The following ANKH variants were observed in gnomAD, a reference collection of about 807,000 sequenced individuals.
The protein encoded by ANKH is mineralization regulator ANKH.
Under a neutral mutation model 49.0 loss-of-function variants are expected in ANKH, and 15 were observed. That is an observed-to-expected ratio of 0.31 (90% CI 0.20 to 0.47). The LOEUF (loss-of-function observed/expected upper bound fraction) is 0.47. ANKH is among the 20% of genes least tolerant of loss of function. The pLI is 1.00. For synonymous variants in ANKH, 273 were observed against 260.0 expected (o/e 1.05, Z -0.48); for missense variants, 429 against 652.0 (o/e 0.66, Z 3.72).
chr5:14,767,584 A>G (rs1429729600), intron 2 of ANKH, among the ~76,000 whole-genome samples: 3 of 152,228 alleles, frequency 2.0e-5, no homozygotes, highest in African/African-American at 7.2e-5. Context: ...GACAATTGCA[A>G]TAACACGGGA....
chr5:14,708,239 T>TGCTTTAGGCA lies in ANKH; in HGVS notation c.*2957_*2958insTGCCTAAAGC, dbSNP rs1468048866. On this transcript the variant is annotated 3_prime_UTR_variant, in exon 12 of 12. Coordinates refer to ENST00000284268, the MANE Select transcript of ANKH (RefSeq NM_054027.6). Reference sequence around the variant, plus strand: ...TCTAGAAAACCCTTACTATTTCCTATGCTTTGAGCTGCCCAAACCTATTAT... The same window carrying TGCTTTAGGCA: ...TCTAGAAAACCCTTACTATTTCCTATGCTTTAGGCAGCTTTGAGCTGCCCAAACCTATTAT... 1.3e-5 allele frequency: 2 copies of TGCTTTAGGCA among 152,212 alleles called. No individual in the cohort carries two copies. The highest frequency in any genetic ancestry group is 2.9e-5 in the Non-Finnish European group (2 of 68,036). 9.4% of individuals were successfully genotyped at this position (152,212 alleles called of 1,614,324 possible). A position where few individuals can be genotyped will look rare whatever the true frequency, so the allele number is the denominator to read the frequency against.
chr5:14,865,056 T>G (rs1049286282), intron 1 of ANKH, among the ~76,000 whole-genome samples: 2 of 152,182 alleles, frequency 1.3e-5, no homozygotes, highest in Non-Finnish European at 2.9e-5. Context: ...AGGTCAGGAA[T>G]TCGACACCAG....
At chr5:14,802,773 A>G (rs974486181) in intron 1 of ANKH, among the ~76,000 whole-genome samples, 1 of 151,988 alleles carries the variant, frequency 6.6e-6, no homozygotes, top group Admixed American at 6.6e-5. Context: ...GCTCCTCTGA[A>G]GCCTTTCTCT....
intron 6 of ANKH, among the ~76,000 whole-genome samples, chr5:14,746,881 A>T (rs935447970): frequency 2.0e-5 from 3 of 152,244 alleles, no homozygotes; most frequent in African/African-American, 7.2e-5. Context: ...AATCAAGTGT[A>T]GGCTATGAAG....
At chr5:14,815,851 T>C (rs1212023243) in intron 1 of ANKH, among the ~76,000 whole-genome samples, 2 of 152,188 alleles carry the variant, frequency 1.3e-5, no homozygotes, top group African/African-American at 4.8e-5. Flanking sequence ...GAATTTTGCA[T>C]GGCAGAGTCT....
chr5:14,768,524 A>G (rs930390300), intron 2 of ANKH: 5 of 212,644 alleles, frequency 2.4e-5, no homozygotes, highest in Non-Finnish European at 3.8e-5. Context: ...TTGTCTTTGA[A>G]TAAAATAGAA....
At chr5:14,800,849 C>T (rs959733036) in intron 1 of ANKH, among the ~76,000 whole-genome samples, 1 of 151,612 alleles carries the variant, frequency 6.6e-6, no homozygotes, top group African/African-American at 2.4e-5. Context: ...ACCTCAGCCT[C>T]GGGTAGCTGG....
intron 8 of ANKH, among the ~76,000 whole-genome samples, chr5:14,726,233 A>G (rs1737818887): frequency 6.6e-6 from 1 of 152,196 alleles, no homozygotes; most frequent in Admixed American, 6.5e-5. Flanking sequence ...GACTTTCCAG[A>G]GAGAGCTGAC....
chr5:14,825,978 A>G (rs1225204021), intron 1 of ANKH: 1 of 153,278 alleles, frequency 6.5e-6, no homozygotes, highest in Non-Finnish European at 1.5e-5. Flanking sequence ...AATACAATCT[A>G]TGATTAAAAT....
chr5:14,714,496 C>T (rs1266861436), intron 9 of ANKH, among the ~76,000 whole-genome samples: 1 of 152,120 alleles, frequency 6.6e-6, no homozygotes, highest in Admixed American at 6.5e-5. Flanking sequence ...GGCAAGGGCT[C>T]TTGGAGGAGG....
At position 14,799,088 on chromosome 5, in the gene ANKH, G is replaced by T. The variant is rs190348821; in HGVS notation, c.97-29897C>A. On this transcript the variant is annotated intron_variant, in intron 1 of 11. Transcript: ENST00000284268. ...AAGAAAGTGCAACAGCCTTATTGCT[G>T]ATACGGAGAAAGTTTGAGTGGTCTG... Among the ~76,000 whole-genome samples, 6 of 152,334 alleles carry T rather than the reference G, an allele frequency of 3.9e-5. No individual in the cohort carries two copies. In the East Asian group the frequency reaches 1.2e-3, roughly 29 times the overall value.
chr5:14,806,924 ATAG>A (rs1206801371), intron 1 of ANKH, among the ~76,000 whole-genome samples: 2 of 152,232 alleles, frequency 1.3e-5, no homozygotes, highest in South Asian at 4.1e-4. Flanking sequence ...ATTCTGAACA[ATAG>A]TAGTTGTCAA....
intron 1 of ANKH, among the ~76,000 whole-genome samples, chr5:14,847,137 TA>T (rs1256854742): frequency 6.6e-6 from 1 of 152,082 alleles, no homozygotes; most frequent in Non-Finnish European, 1.5e-5. Flanking sequence ...AGGGAGCCAG[TA>T]AACTACTAAA....
At chr5:14,758,966 G>C (rs1738988472) in intron 2 of ANKH, among the ~76,000 whole-genome samples, 1 of 152,122 alleles carries the variant, frequency 6.6e-6, no homozygotes, top group Non-Finnish European at 1.5e-5. Flanking sequence ...CTTGGTATCA[G>C]CTTGCCCAGT....
chr5:14,863,550 C>CAAA (rs1302089768), intron 1 of ANKH, among the ~76,000 whole-genome samples: 4 of 152,210 alleles, frequency 2.6e-5, no homozygotes, highest in Non-Finnish European at 5.9e-5. Flanking sequence ...AGTTATGAAG[C>CAAA]AAATTCACTC....
rs1019728142 is a variant in ANKH, at chr5:14,710,164, C to T, written c.*1033G>A. The stretch of plus-strand genomic sequence containing the variant: ...GTAGTACATTCTCAATTACCTGTAC[C>T]GCAGAGTTATGACTAAGGATAGCAG... On this transcript the variant is annotated 3_prime_UTR_variant, in exon 12 of 12. Transcript: ENST00000284268. 2.0e-5 allele frequency: 3 copies of T among 152,134 alleles called. No individual in the cohort carries two copies. The highest frequency in any genetic ancestry group is 6.5e-5 in the Admixed American group (1 of 15,286). The allele number at this position is 152,134 out of a possible 1,614,324, so 9.4% of individuals were successfully genotyped here.
Position 14,769,108 on chromosome 5 carries a change from C to T in ANKH, c.180G>A (p.Lys60=), listed in dbSNP as rs1236895521. 4 of 1,614,034 alleles carry T rather than the reference C, an allele frequency of 2.5e-6. No homozygotes were observed. The highest frequency in any genetic ancestry group is 3.4e-6 in the Non-Finnish European group (4 of 1,180,058). Reference sequence around the variant, plus strand: ...AGTCACTCATGGGACCCGTGAAGAACTTCATGAGGGAGTACGCCAGCCCGT... The same window carrying T: ...AGTCACTCATGGGACCCGTGAAGAATTTCATGAGGGAGTACGCCAGCCCGT... ...ASYGLAYSLM[K]FFTGPMSDFK... Residue 60 remains lysine, a synonymous_variant, in exon 2 of 12, where the codon AAG becomes AAA. Transcript: ENST00000284268.
At chr5:14,784,991 ACT>A (rs1311778533) in intron 1 of ANKH, among the ~76,000 whole-genome samples, 1 of 152,042 alleles carries the variant, frequency 6.6e-6, no homozygotes, top group Non-Finnish European at 1.5e-5. Context: ...TCTTCCAGTG[ACT>A]CTGGATACCA....
rs764910926 is a variant in ANKH, at chr5:14,758,506, C to T, written c.406G>A (p.Ala136Thr). 2.8e-5 allele frequency: 45 copies of T among 1,613,918 alleles called. No homozygotes were observed. Among genetic ancestry groups the T allele is most frequent in the Non-Finnish European group, 3.6e-5 (43 of 1,179,944 alleles). Residue 136 changes from alanine (A) to threonine (T), a missense_variant, in exon 3 of 12, where the codon GCC becomes ACC. Transcript: ENST00000284268. ...ATTGCGTCCATGAAAGGAAAGGCGG[C>T]GAGGTACAGGAAGGCCCTTCTCGTC... is the stretch of plus-strand genomic sequence containing the variant. ...SKTRRAFLYL[A>T]AFPFMDAMAW...
Sources: gnomAD v4.1 joint callset for allele counts (sites outside exome capture counted in the v4.1 genomes callset) on GRCh38, gnomAD v4.1.1 for gene constraint, MANE v1.5 for transcripts, NCBI Gene and HGNC (gene_info 2026-07-23, HGNC 2026-07-21) for gene names.